Variants in RGS12 observed in about 807,000 individuals in gnomAD.
The protein encoded by RGS12 is regulator of G protein signaling 12.
A neutral mutation model predicts 120.1 loss-of-function variants in RGS12; 66 were observed. That is an observed-to-expected ratio of 0.55 (90% confidence interval 0.45 to 0.67). RGS12 has a LOEUF of 0.67. Ranked by LOEUF, RGS12 falls within the 30% of genes least tolerant of loss-of-function variation. The probability of loss-of-function intolerance (pLI) is 0.00; values close to 1 mark genes in which losing one functional copy is unlikely to be tolerated. For missense variants in RGS12, 1,859 were observed against 1,957.7 expected (o/e 0.95, Z 0.95); for synonymous variants, 827 against 804.7 (o/e 1.03, Z -0.47).
At chr4:3,416,189 A>G in intron 7 of RGS12, 68 bp downstream of exon 7, 1 of 1,561,844 alleles carries the variant, frequency 6.4e-7, no homozygotes, top group Non-Finnish European at 8.7e-7. Flanking sequence ...TCCACCTTCA[A>G]AGAACACGTG....
rs909052915 is a variant in RGS12, at chr4:3,372,452, A to T, written c.1999-13964A>T. On this transcript the variant is annotated intron_variant, in intron 3 of 17. Transcript: ENST00000336727. This position sits in a 1 kb window ranked among gnomAD's most constrained non-coding sequence, Gnocchi z 4.3. ...CCTGCTGGCGCACGGCTGGACAAGCATGACAGTTGTCGCGGAGCCGCCCGA... is the reference window on the plus strand; with the variant it reads ...CCTGCTGGCGCACGGCTGGACAAGCTTGACAGTTGTCGCGGAGCCGCCCGA... Among the ~76,000 whole-genome samples, 1 of 152,232 alleles carries T rather than the reference A, an allele frequency of 6.6e-6. No homozygotes were observed. The highest frequency in any genetic ancestry group is 1.5e-5 in the Non-Finnish European group (1 of 68,038).
At chr4:3,303,242 G>A (rs1038432255) in intron 1 of RGS12, among the ~76,000 whole-genome samples, 1 of 152,138 alleles carries the variant, frequency 6.6e-6, no homozygotes, top group Admixed American at 6.5e-5. Flanking sequence ...GAGGGTGAGG[G>A]CAGGGTGGGC....
chr4:3,320,327 G>T (rs1317052537), intron 2 of RGS12, among the ~76,000 whole-genome samples: 4 of 152,234 alleles, frequency 2.6e-5, no homozygotes, highest in Admixed American at 2.6e-4. Flanking sequence ...GGGCTTCTTT[G>T]CAGTGAAGAT....
In RGS12 at chr4:3,317,297, C is replaced by T. The variant is rs202088201; in HGVS notation, c.1127C>T (p.Pro376Leu). ...GACACCAATGGCTGTCTGGAATTCC[C>T]GGCGTCCTCCCTCCCCGTCCTGCAG... Reference protein sequence around the residue: ...DPDTNGCLEFPASSLPVLQFI... With the variant: ...DPDTNGCLEFLASSLPVLQFI... The change falls in exon 2 of 18, where the codon CCG becomes CTG. Residue 376 changes from proline (P) to leucine (L), a missense_variant. Around this residue, in one of 3 missense-constraint regions of RGS12, gnomAD observed 967 missense variants for 994.2 expected, o/e 0.97. Transcript: ENST00000336727. 125 of 1,614,152 alleles carry T rather than the reference C, an allele frequency of 7.7e-5. No individual in the cohort carries two copies. Among genetic ancestry groups the T allele is most frequent in the Non-Finnish European group, 8.7e-5 (103 of 1,180,042 alleles).
intron 3 of RGS12, among the ~76,000 whole-genome samples, chr4:3,364,421 C>A (rs916778089): frequency 2.0e-5 from 3 of 152,170 alleles, no homozygotes; most frequent in African/African-American, 7.2e-5. Context: ...GCAGATGTCC[C>A]CATGGAGGTC....
In RGS12 at chr4:3,389,084, C is replaced by T. The variant is rs957801056; in HGVS notation, c.2020+2647C>T. Among the ~76,000 whole-genome samples the T allele has an allele frequency of 6.6e-6, 1 of 152,150 alleles. No homozygotes were observed. The highest frequency in any genetic ancestry group is 1.5e-5 in the Non-Finnish European group (1 of 68,028). On this transcript the variant is annotated intron_variant, in intron 4 of 17. Coordinates refer to ENST00000336727, the MANE Select transcript of RGS12 (RefSeq NM_001394154.1). The surrounding 1 kb of genome is among the most constrained non-coding windows in gnomAD (Gnocchi z 5.2). ...TTCATGCCACGGTTTCATTCTGTGA[C>T]GCGTATCGTGCTTTTATAGCTTAGG...
At chr4:3,397,701 T>C (rs532580150) in intron 4 of RGS12, among the ~76,000 whole-genome samples, 1 of 152,358 alleles carries the variant, frequency 6.6e-6, no homozygotes, top group African/African-American at 2.4e-5. Flanking sequence ...ACTGGAGATA[T>C]TGTGTAGACA....
At chr4:3,378,816 G>T (rs940395950) in intron 3 of RGS12, among the ~76,000 whole-genome samples, 4 of 152,188 alleles carry the variant, frequency 2.6e-5, no homozygotes, top group African/African-American at 9.7e-5. Context: ...AATGTAAATT[G>T]TACAGCCATT....
At chr4:3,383,828 A>T (rs955034348) in intron 3 of RGS12, among the ~76,000 whole-genome samples, 24 of 152,224 alleles carry the variant, frequency 1.6e-4, no homozygotes, top group African/African-American at 5.5e-4. Flanking sequence ...TTGGCCTCTC[A>T]GTGGGCATCA....
intron 3 of RGS12, among the ~76,000 whole-genome samples, chr4:3,362,060 A>G (rs1383483273): frequency 2.0e-5 from 3 of 152,040 alleles, no homozygotes; most frequent in African/African-American, 7.2e-5. Flanking sequence ...CCCGAGGGGG[A>G]TGGAGGGCGG....
chr4:3,377,327 C>T (rs1717808331), intron 3 of RGS12, among the ~76,000 whole-genome samples: 1 of 152,168 alleles, frequency 6.6e-6, no homozygotes, highest in Non-Finnish European at 1.5e-5. Context: ...CTTTCTAGGC[C>T]TCCTAAATTC....
At chr4:3,353,900 G>A (rs546330684) in intron 3 of RGS12, among the ~76,000 whole-genome samples, 1 of 152,140 alleles carries the variant, frequency 6.6e-6, no homozygotes, top group African/African-American at 2.4e-5. Flanking sequence ...GAAAGCTCTG[G>A]GCACTCCCCT....
intron 4 of RGS12, among the ~76,000 whole-genome samples, chr4:3,408,104 GT>G (rs1721351141): frequency 6.6e-6 from 1 of 152,232 alleles, no homozygotes; most frequent in South Asian, 2.1e-4. Context: ...TGACTCACGT[GT>G]TCAGCACCAG....
At chr4:3,371,799 G>A (rs1282017700) in intron 3 of RGS12, among the ~76,000 whole-genome samples, 1 of 152,198 alleles carries the variant, frequency 6.6e-6, no homozygotes, top group Non-Finnish European at 1.5e-5. Context: ...AAAAATGGGA[G>A]GGTCAGGGAA....
intron 3 of RGS12, among the ~76,000 whole-genome samples, chr4:3,370,702 A>G (rs1716888945): frequency 6.6e-6 from 1 of 152,264 alleles, no homozygotes; most frequent in African/African-American, 2.4e-5. Context: ...CTAGATAAAT[A>G]CATTAAAATC....
At chr4:3,363,116 AGT>A (rs1162955650) in intron 3 of RGS12, among the ~76,000 whole-genome samples, 78 of 132,638 alleles carry the variant, frequency 5.9e-4, no homozygotes, top group African/African-American at 2.2e-3. Context: ...TGTGTGTGAG[AGT>A]GCGCATCAGT....
At chr4:3,376,339 G>T (rs1465341100) in intron 3 of RGS12, among the ~76,000 whole-genome samples, 4 of 151,690 alleles carry the variant, frequency 2.6e-5, no homozygotes, top group African/African-American at 9.7e-5. Context: ...CAGGTGTGCT[G>T]CCCTCCCCGC....
In RGS12 at chr4:3,317,878, G is replaced by A. The variant is rs757883420; in HGVS notation, c.1708G>A (p.Gly570Ser). 12 of 1,613,820 alleles carry A rather than the reference G, an allele frequency of 7.4e-6. No individual in the cohort carries two copies. In the East Asian group the frequency reaches 8.9e-5, roughly 12 times the overall value. The change falls in exon 2 of 18, where the codon GGC becomes AGC. Residue 570 changes from glycine to serine, a missense_variant. Coordinates refer to ENST00000336727, the MANE Select transcript of RGS12 (RefSeq NM_001394154.1). The part of the protein sequence containing the change: ...STDGWSSINC[G>S]TLPPPMSKIP... ...CGATGGCTGGTCCAGCATCAACTGC[G>A]GCACACTGCCCCCTCCTATGAGCAA...
Position 3,317,349 on chromosome 4 carries a change from G to C in RGS12, c.1179G>C (p.Met393Ile). Reference protein sequence around the residue: ...LQFISVLYRDMGELIEGMRAR... With the variant: ...LQFISVLYRDIGELIEGMRAR... ...TCATCTCTGTCCTGTACCGAGACAT[G>C]GGTGAGCTGATTGAGGGCATGCGGG... The change falls in exon 2 of 18, where the codon ATG (methionine) becomes ATC (isoleucine). Residue 393 changes from methionine (M) to isoleucine (I), a missense_variant. Coordinates refer to ENST00000336727, the MANE Select transcript of RGS12 (RefSeq NM_001394154.1). 1 of 1,614,148 alleles carries C rather than the reference G, an allele frequency of 6.2e-7. No homozygotes were observed.
Sources: gnomAD v4.1 joint callset for allele counts (sites outside exome capture counted in the v4.1 genomes callset) on GRCh38, gnomAD v4.1.1 for gene constraint, gnomAD v4.1.1 regional missense constraint, Gnocchi (gnomAD v3.1) non-coding constraint, MANE v1.5 for transcripts, NCBI Gene and HGNC (gene_info 2026-07-23, HGNC 2026-07-21) for gene names.